Variants in COL18A1 observed in about 807,000 individuals in gnomAD.
COL18A1 encodes the protein collagen type XVIII alpha 1 chain.
COL18A1 carries 133 observed loss-of-function variants against 168.0 expected under a neutral mutation model. The observed-to-expected ratio is 0.79, with a 90% CI of 0.69 to 0.91. The LOEUF is 0.91. Among genes scored for constraint, COL18A1 ranks in the 40% least tolerant of loss-of-function variants. The probability of loss-of-function intolerance (pLI) is 0.00; values close to 1 mark genes in which losing one functional copy is unlikely to be tolerated. For missense variants in COL18A1, 2,126 were observed against 1,925.4 expected (o/e 1.10, Z -1.95); for synonymous variants, 949 against 809.0 (o/e 1.17, Z -2.94).
chr21:45,450,427 C>T (rs1239073609), intron 2 of COL18A1, among the ~76,000 whole-genome samples: 5 of 152,322 alleles, frequency 3.3e-5, no homozygotes, highest in Non-Finnish European at 7.4e-5. Flanking sequence ...GCAGGAGGGA[C>T]GCCTCTGACG....
chr21:45,511,301 A>G, intron 41 of COL18A1, 75 bp downstream of exon 41: 1 of 773,490 alleles, frequency 1.3e-6, no homozygotes, highest in Non-Finnish European at 2.3e-6. Context: ...TCCTATCTGC[A>G]GTTTCCCCCC....
chr21:45,487,442 TC>T lies in COL18A1; in HGVS notation c.1834-3del, dbSNP rs1319918222. On this transcript the variant is annotated splice_region_variant and splice_polypyrimidine_tract_variant and intron_variant, in intron 16 of 41. Coordinates refer to ENST00000651438, the MANE Select transcript of COL18A1 (RefSeq NM_001379500.1). ...GCCCCTACGTGTCTCGTGTGTCTCT[TC>T]CAGGATGACATGGAAGGCTCCGGGG... is the stretch of plus-strand genomic sequence containing the variant. 2 of 1,612,616 alleles carry T rather than the reference TC, an allele frequency of 1.2e-6. No individual in the cohort carries two copies. Among genetic ancestry groups the T allele is most frequent in the Non-Finnish European group, 1.7e-6 (2 of 1,179,966 alleles).
chr21:45,493,134 C>T (rs1161355987), intron 24 of COL18A1, 29 bp from the exon 25 acceptor site: 46 of 1,548,190 alleles, frequency 3.0e-5, no homozygotes, highest in Admixed American at 7.8e-5. Flanking sequence ...GCCAGCCGCT[C>T]GGGCCTCACG....
Position 45,504,654 on chromosome 21 carries a change from G to A in COL18A1, c.2868+98G>A, listed in dbSNP as rs575669227. On this transcript the variant is annotated intron_variant, in intron 34 of 41. Coordinates refer to ENST00000651438, the MANE Select transcript of COL18A1 (RefSeq NM_001379500.1). ...CCGGCCTTCGACACCCGCGAAGGCC[G>A]GAGCTGCCCCTGCAAGCTCAGCAGC... The A allele has an allele frequency of 3.1e-3, 3,306 of 1,080,494 alleles. 6 individuals carry two copies. Among genetic ancestry groups the A allele is most frequent in the Non-Finnish European group, 3.9e-3 (2,905 of 739,412 alleles). 66.9% of individuals were successfully genotyped at this position (1,080,494 alleles called of 1,614,324 possible).
intron 2 of COL18A1, among the ~76,000 whole-genome samples, chr21:45,439,753 G>A (rs1186136522): frequency 6.8e-6 from 1 of 146,868 alleles, no homozygotes; most frequent in Admixed American, 6.7e-5. Context: ...GGATTTGGAA[G>A]TGCAGCTCGT....
rs777793657 is a variant in COL18A1, at chr21:45,504,474, G to A, written c.2786G>A (p.Gly929Asp). ...AAAGGCGAAAGGGGGGAGCCCGGGG[G>A]CGGCGGTTTCTTCGGCTCCAGCCTG... ...GQKGERGEPG[G>D]GGFFGSSLPG... Residue 929 changes from glycine to aspartate, a missense_variant, in exon 34 of 42, where the codon GGC becomes GAC. Gly to Asp is a moderately conservative substitution (Grantham distance 94). Coordinates refer to ENST00000651438, the MANE Select transcript of COL18A1 (RefSeq NM_001379500.1). 6.2e-7 allele frequency: 1 copy of A among 1,607,744 alleles called. No individual in the cohort carries two copies. Among genetic ancestry groups the A allele is most frequent in the Non-Finnish European group, 8.5e-7 (1 of 1,177,910 alleles).
At chr21:45,433,479 A>T (rs1315120984) in intron 2 of COL18A1, among the ~76,000 whole-genome samples, 2 of 152,020 alleles carry the variant, frequency 1.3e-5, no homozygotes, top group African/African-American at 4.8e-5. Flanking sequence ...CCAAGAAAAT[A>T]CCAGGGACTT....
At chr21:45,441,607 G>A (rs1383027885) in intron 2 of COL18A1, among the ~76,000 whole-genome samples, 1 of 152,176 alleles carries the variant, frequency 6.6e-6, no homozygotes, top group Non-Finnish European at 1.5e-5. Context: ...GCTCCTCTCC[G>A]TGATCTGCCA....
intron 2 of COL18A1, among the ~76,000 whole-genome samples, chr21:45,416,816 T>C (rs13051228): frequency 0.69 from 105,285 of 151,906 alleles, 36,775 homozygotes; most frequent in East Asian, 0.86. Context: ...CCCCAGCGCC[T>C]GCCCCTGACA....
rs2036603840 is a variant in COL18A1 at position 45,498,102 on chromosome 21, GCT to G, written c.2683+443_2683+444del. On this transcript the variant is annotated intron_variant, in intron 32 of 41. Coordinates refer to ENST00000651438, the MANE Select transcript of COL18A1 (RefSeq NM_001379500.1). This position sits in a 1 kb window ranked among gnomAD's most constrained non-coding sequence, Gnocchi z 4.5. ...TCTGGAGGGTGAGCCCAGCACCCCT[GCT>G]CCCCCAAAGGACAAGAATTCCCCCC... The G allele has an allele frequency of 1.6e-6, 1 of 621,300 alleles. No homozygotes were observed. Among genetic ancestry groups the G allele is most frequent in the Non-Finnish European group, 2.9e-6 (1 of 348,078 alleles). The allele number at this position is 621,300 out of a possible 1,614,324, so 38.5% of individuals were successfully genotyped here. A position where few individuals can be genotyped will look rare whatever the true frequency, so the allele number is the denominator to read the frequency against.
chr21:45,487,106 G>A, intron 16 of COL18A1, 114 bp downstream of exon 16: 1 of 1,047,778 alleles, frequency 9.5e-7, no homozygotes, highest in Non-Finnish European at 1.3e-6. Flanking sequence ...TGGCCTTGCT[G>A]GCACTGCCTC....
intron 2 of COL18A1, among the ~76,000 whole-genome samples, chr21:45,409,499 G>C (rs978699491): frequency 2.0e-5 from 3 of 152,044 alleles, no homozygotes; most frequent in South Asian, 2.1e-4. Flanking sequence ...GGGGTCTAAG[G>C]CCCTTTTCAA....
In COL18A1 at chr21:45,496,522, C is replaced by A. The variant is rs754192713; in HGVS notation, c.2531C>A (p.Pro844His). Reference protein sequence around the residue: ...GMRGMPGPPGPPGPPGPPGTP... With the variant: ...GMRGMPGPPGHPGPPGPPGTP... The stretch of plus-strand genomic sequence containing the variant: ...CAGGGAATGCCCGGCCCCCCAGGAC[C>A]TCCAGGGCCCCCAGGCCCTCCAGGG... Residue 844 changes from proline to histidine, a missense_variant, in exon 30 of 42, where the codon CCT (proline) becomes CAT (histidine). Physicochemically the swap from Pro to His is moderately conservative, Grantham distance 77. Transcript: ENST00000651438. 3.3e-6 allele frequency: 5 copies of A among 1,521,622 alleles called. No individual in the cohort carries two copies. The highest frequency in any genetic ancestry group is 4.6e-6 in the Non-Finnish European group (5 of 1,096,628). The allele number at this position is 1,521,622 out of a possible 1,614,324, so 94.3% of individuals were successfully genotyped here. A position where few individuals can be genotyped will look rare whatever the true frequency, so the allele number is the denominator to read the frequency against.
At chr21:45,437,455 G>C (rs900829015) in intron 2 of COL18A1, among the ~76,000 whole-genome samples, 16 of 2,954 alleles carry the variant, frequency 5.4e-3, no homozygotes, top group East Asian at 0.018. Context: ...CTCACTCACA[G>C]ACAGACACAC....
chr21:45,511,043 CCCACAAACACCCACACCCAT>C, intron 40 of COL18A1, 48 bp from the exon 41 acceptor site: 1 of 450,596 alleles, frequency 2.2e-6, no homozygotes, highest in Non-Finnish European at 3.9e-6. Flanking sequence ...CACACACCCC[CCCACAAACACCCACACCCAT>C]CCACACCCCC....
At chr21:45,466,574 C>T (rs951860683) in intron 2 of COL18A1, among the ~76,000 whole-genome samples, 8 of 152,190 alleles carry the variant, frequency 5.3e-5, no homozygotes, top group Admixed American at 2.6e-4. Context: ...GCCTGTACCT[C>T]GGGGAGTGGA....
rs1286447971 is a variant in COL18A1 at position 45,493,212 on chromosome 21, C to A, written c.2264C>A (p.Ser755Tyr). Residue 755 changes from serine (S) to tyrosine (Y), a missense_variant, in exon 25 of 42, where the codon TCC becomes TAC. Ser to Tyr is a moderately radical substitution (Grantham distance 144, BLOSUM62 -2). Coordinates refer to ENST00000651438, the MANE Select transcript of COL18A1 (RefSeq NM_001379500.1). Reference protein sequence around the residue: ...GNLGSKGERGSPGPKGEKGEP... With the variant: ...GNLGSKGERGYPGPKGEKGEP... ...CTGGGCTCTAAGGGCGAACGAGGCT[C>A]CCCGGGACCCAAGGTAAGGGGCTCA... The A allele has an allele frequency of 6.4e-7, 1 of 1,560,248 alleles. No homozygotes were observed. The highest frequency in any genetic ancestry group is 1.9e-5 in the Admixed American group (1 of 52,614).
chr21:45,493,402 T>C, intron 25 of COL18A1, 99 bp from the exon 26 acceptor site: 1 of 1,317,356 alleles, frequency 7.6e-7, no homozygotes, highest in Non-Finnish European at 1.1e-6. Flanking sequence ...GGACCCAGCC[T>C]GCGAGGCCCA....
In COL18A1 at chr21:45,491,272, C is replaced by T; in HGVS notation, c.2115C>T (p.Pro705=). Reference sequence around the variant, plus strand: ...TCGGGCAGCCGGGCCTCCCTGGCCCCCCCGGACCCCCGGGACCTGTGGTCT... The same window carrying T: ...TCGGGCAGCCGGGCCTCCCTGGCCCTCCCGGACCCCCGGGACCTGTGGTCT... ...DGVGQPGLPG[P]PGPPGPVVYV... Residue 705 remains proline, a synonymous_variant, in exon 22 of 42, where the codon CCC becomes CCT. Coordinates refer to ENST00000651438, the MANE Select transcript of COL18A1 (RefSeq NM_001379500.1). 3.1e-6 allele frequency: 5 copies of T among 1,612,338 alleles called. No homozygotes were observed. Among genetic ancestry groups the T allele is most frequent in the Non-Finnish European group, 4.2e-6 (5 of 1,179,726 alleles).
Sources: allele counts gnomAD v4.1 joint callset (sites outside exome capture counted in the v4.1 genomes callset), GRCh38; gene constraint gnomAD v4.1.1; non-coding constraint Gnocchi (gnomAD v3.1); transcripts MANE v1.5; gene names NCBI Gene and HGNC (gene_info 2026-07-23, HGNC 2026-07-21).